Variants in MARCHF1 observed in about 807,000 individuals in gnomAD.
MARCHF1 encodes membrane associated ring-CH-type finger 1.
Under a neutral mutation model 54.2 loss-of-function variants are expected in MARCHF1, and 40 were observed. The ratio of observed to expected loss-of-function variants is 0.74; its 90% CI spans 0.57 to 0.96. The LOEUF (loss-of-function observed/expected upper bound fraction) is 0.96, where lower values mean the gene tolerates loss of function less well. Ranked by LOEUF, MARCHF1 falls within the 40% of genes least tolerant of loss-of-function variation. The probability of loss-of-function intolerance (pLI) is 0.00; values close to 1 mark genes in which losing one functional copy is unlikely to be tolerated. For synonymous variants in MARCHF1, 236 were observed against 236.3 expected (o/e 1.00, Z 0.01); for missense variants, 586 against 656.5 (o/e 0.89, Z 1.17).
At chr4:163,754,098 G>C (rs1277247040) in intron 4 of MARCHF1, among the ~76,000 whole-genome samples, 1 of 152,176 alleles carries the variant, frequency 6.6e-6, no homozygotes, top group East Asian at 1.9e-4. Flanking sequence ...TTGTTATCAG[G>C]AATAGATGGC....
intron 2 of MARCHF1, among the ~76,000 whole-genome samples, chr4:163,994,733 GCACACATACACACACACACACA>G (rs1295815066): frequency 8.5e-5 from 8 of 94,404 alleles, no homozygotes; most frequent in African/African-American, 3.2e-4. Flanking sequence ...TCCTAATCAA[GCACACATACACACACACACACA>G]CACACACACA....
At chr4:164,117,881 A>G (rs1411437505) in intron 1 of MARCHF1, among the ~76,000 whole-genome samples, 1 of 152,098 alleles carries the variant, frequency 6.6e-6, no homozygotes, top group Non-Finnish European at 1.5e-5. Context: ...CCTGGGTGAC[A>G]GAGCAAGACT....
chr4:163,993,038 A>G (rs1752998394), intron 2 of MARCHF1, among the ~76,000 whole-genome samples: 1 of 152,030 alleles, frequency 6.6e-6, no homozygotes, highest in South Asian at 2.1e-4. Context: ...TTATCATGGC[A>G]CAAAGAATTT....
chr4:164,192,952 C>T (rs1464249108), intron 1 of MARCHF1, among the ~76,000 whole-genome samples: 4 of 152,098 alleles, frequency 2.6e-5, no homozygotes, highest in Non-Finnish European at 5.9e-5. Flanking sequence ...ACACTGTTAC[C>T]GACTGCAGTG....
intron 7 of MARCHF1, among the ~76,000 whole-genome samples, chr4:163,607,119 G>A (rs1741170673): frequency 6.6e-6 from 1 of 152,044 alleles, no homozygotes; most frequent in Admixed American, 6.6e-5. Context: ...CATTGTTTCT[G>A]GAGTTCCTGA....
chr4:163,707,390 CA>C (rs1364147787), intron 4 of MARCHF1, among the ~76,000 whole-genome samples: 10 of 151,826 alleles, frequency 6.6e-5, no homozygotes, highest in Non-Finnish European at 1.3e-4. Context: ...AAATAGAAAA[CA>C]AATGAGCAAG....
rs576129137 is a variant in MARCHF1 at position 164,105,026 on chromosome 4, G to C, written c.-248+6562C>G. ...AACTCCCATTCACAATTGCTTCAAA[G>C]AGAATAAAATACCTAGGAATCCAAC... On this transcript the variant is annotated intron_variant, in intron 2 of 9. Coordinates refer to ENST00000514618, the MANE Select transcript of MARCHF1 (RefSeq NM_001394959.1). Among the ~76,000 whole-genome samples the C allele has an allele frequency of 3.5e-3, 161 of 45,758 alleles. 8 individuals are homozygous for C. Among genetic ancestry groups the C allele is most frequent in the African/African-American group, 8.2e-3 (157 of 19,152 alleles). 30.0% of individuals were successfully genotyped at this position (45,758 alleles called of 152,430 possible). A position where few individuals can be genotyped will look rare whatever the true frequency, so the allele number is the denominator to read the frequency against.
intron 4 of MARCHF1, among the ~76,000 whole-genome samples, chr4:163,719,971 G>A (rs1745392674): frequency 6.6e-6 from 1 of 152,152 alleles, no homozygotes; most frequent in South Asian, 2.1e-4. Flanking sequence ...CTCCCATTCT[G>A]TAGGTTGCCT....
intron 1 of MARCHF1, among the ~76,000 whole-genome samples, chr4:164,170,838 G>C (rs1477945721): frequency 6.6e-6 from 1 of 152,144 alleles, no homozygotes; most frequent in African/African-American, 2.4e-5. Context: ...GAAGAAATGT[G>C]ATCAGAACAC....
chr4:163,944,376 C>G (rs1019409048), intron 3 of MARCHF1, among the ~76,000 whole-genome samples: 1 of 152,122 alleles, frequency 6.6e-6, no homozygotes, highest in African/African-American at 2.4e-5. Context: ...AGATTTGATT[C>G]AGCTGCAGAA....
chr4:163,770,121 T>C (rs898917428), intron 4 of MARCHF1, among the ~76,000 whole-genome samples: 2 of 152,176 alleles, frequency 1.3e-5, no homozygotes, highest in Non-Finnish European at 2.9e-5. Flanking sequence ...AATAATCACA[T>C]ACAAAATAAG....
intron 3 of MARCHF1, among the ~76,000 whole-genome samples, chr4:163,949,120 T>C (rs1323970676): frequency 6.6e-6 from 1 of 152,196 alleles, no homozygotes; most frequent in African/African-American, 2.4e-5. Flanking sequence ...CTTGGATCCC[T>C]TGCCTGCTAA....
chr4:163,806,913 A>T (rs1323981452), intron 4 of MARCHF1, among the ~76,000 whole-genome samples: 1 of 152,218 alleles, frequency 6.6e-6, no homozygotes, highest in Non-Finnish European at 1.5e-5. Flanking sequence ...GTGAAAAAAA[A>T]GTACTAAAAA....
At chr4:163,862,857 T>C (rs974209213) in intron 3 of MARCHF1, among the ~76,000 whole-genome samples, 12 of 152,016 alleles carry the variant, frequency 7.9e-5, no homozygotes, top group African/African-American at 2.9e-4. Context: ...TTGTGGTACA[T>C]TCATACATCA....
intron 1 of MARCHF1, among the ~76,000 whole-genome samples, chr4:164,117,334 G>T (rs1755959312): frequency 6.6e-6 from 1 of 151,798 alleles, no homozygotes; most frequent in South Asian, 2.1e-4. Context: ...AATAACAAAA[G>T]ATAACTTTCT....
At chr4:164,317,671 C>T (rs1214196041) in intron 1 of MARCHF1, among the ~76,000 whole-genome samples, 4 of 152,070 alleles carry the variant, frequency 2.6e-5, no homozygotes, top group Non-Finnish European at 4.4e-5. Flanking sequence ...CTCAAGAAAA[C>T]GGAGTGAGTA....
intron 2 of MARCHF1, among the ~76,000 whole-genome samples, chr4:164,019,301 A>G (rs1753611658): frequency 6.6e-6 from 1 of 152,308 alleles, no homozygotes; most frequent in East Asian, 1.9e-4. Context: ...TTCCACTACC[A>G]TAATTATTCA....
intron 2 of MARCHF1, among the ~76,000 whole-genome samples, chr4:164,070,062 A>T (rs1052562871): frequency 2.0e-5 from 3 of 152,212 alleles, no homozygotes; most frequent in Non-Finnish European, 4.4e-5. Context: ...GGAGCTAAAC[A>T]TGGAGCATAC....
At chr4:163,720,053 T>C (rs1051497096) in intron 4 of MARCHF1, among the ~76,000 whole-genome samples, 1 of 152,238 alleles carries the variant, frequency 6.6e-6, no homozygotes, top group Admixed American at 6.5e-5. Flanking sequence ...TTGTCAATTT[T>C]GGCTTTTGTT....
Sources: gnomAD v4.1 joint callset for allele counts (sites outside exome capture counted in the v4.1 genomes callset) on GRCh38, gnomAD v4.1.1 for gene constraint, MANE v1.5 for transcripts, NCBI Gene and HGNC (gene_info 2026-07-23, HGNC 2026-07-21) for gene names.